Variants in ABCA4 observed in about 807,000 individuals in gnomAD.
The protein encoded by ABCA4 is ATP binding cassette subfamily A member 4.
ABCA4 carries 196 observed loss-of-function variants against 263.7 expected under a neutral mutation model. The observed-to-expected ratio is 0.74, with a 90% CI of 0.66 to 0.84. The LOEUF (loss-of-function observed/expected upper bound fraction) is 0.84, where lower values mean the gene tolerates loss of function less well. Among genes scored for constraint, ABCA4 ranks in the 40% least tolerant of loss-of-function variants. The pLI is 0.00. For missense variants in ABCA4, 2,792 were observed against 2,855.1 expected (o/e 0.98, Z 0.50); for synonymous variants, 1,133 against 1,094.2 (o/e 1.04, Z -0.70).
chr1:94,113,356 C>T (rs1662664742), intron 1 of ABCA4, among the ~76,000 whole-genome samples: 1 of 152,244 alleles, frequency 6.6e-6, no homozygotes, highest in South Asian at 2.1e-4. Context: ...TCATCTGCTT[C>T]AGTGCATTTT....
chr1:94,105,420 G>A (rs970731653), intron 4 of ABCA4, among the ~76,000 whole-genome samples: 1 of 152,188 alleles, frequency 6.6e-6, no homozygotes, highest in African/African-American at 2.4e-5. Context: ...GTGGCTCTGG[G>A]GGGGAAGGGG....
At chr1:94,004,826 C>A (rs541824526) in intron 44 of ABCA4, among the ~76,000 whole-genome samples, 1 of 152,220 alleles carries the variant, frequency 6.6e-6, no homozygotes, top group East Asian at 1.9e-4. Flanking sequence ...TCTGGTTTAT[C>A]CTTTCTACGT....
chr1:94,047,010 G>A lies in ABCA4; in HGVS notation c.2827C>T (p.Arg943Trp), dbSNP rs61749446. 72 of 1,614,104 alleles carry A rather than the reference G, an allele frequency of 4.5e-5. No individual in the cohort carries two copies. The highest frequency in any genetic ancestry group is 3.3e-4 in the East Asian group (15 of 44,874). Residue 943 changes from arginine to tryptophan, a missense_variant, in exon 19 of 50, where the codon CGG becomes TGG. Transcript: ENST00000370225. ...ATGTTCAGACGGTCCACAGCTGGCC[G>A]GCCACAGGGCTCAAAAATCTTTACC... ...NLVKIFEPCG[R>W]PAVDRLNITF...
chr1:94,033,175 TTTGGGAGGCCAAGCCAGGAGGA>T (rs1171011677), intron 26 of ABCA4, among the ~76,000 whole-genome samples: 10 of 152,130 alleles, frequency 6.6e-5, no homozygotes, highest in Non-Finnish European at 1.2e-4. Context: ...ATCCCAGCAC[TTTGGGAGGCCAAGCCAGGAGGA>T]TTGATTGACC....
At chr1:94,106,347 C>T (rs781418903) in intron 4 of ABCA4, among the ~76,000 whole-genome samples, 1 of 152,176 alleles carries the variant, frequency 6.6e-6, no homozygotes, top group Non-Finnish European at 1.5e-5. Context: ...ACTTCCTTCA[C>T]ACTTCCTCCC....
chr1:94,078,807 A>G, intron 9 of ABCA4, 101 bp from the exon 10 acceptor site: 1 of 861,084 alleles, frequency 1.2e-6, no homozygotes, highest in Non-Finnish European at 2.0e-6. Flanking sequence ...AGTGTTAGGG[A>G]AAGGCTTTTC....
chr1:94,023,435 A>AATAAT lies in ABCA4; in HGVS notation c.4635-22_4635-18dup, dbSNP rs781546018. On this transcript the variant is annotated splice_polypyrimidine_tract_variant and intron_variant, in intron 31 of 49. Coordinates refer to ENST00000370225, the MANE Select transcript of ABCA4 (RefSeq NM_000350.3). ...CTCTTTAAGCTGAAAGCCAAAATAAAATAATGCAATGAATACCACAAGTAC... is the reference window on the plus strand; with the variant it reads ...CTCTTTAAGCTGAAAGCCAAAATAAAATAATATAATGCAATGAATACCACAAGTAC... 1.3e-6 allele frequency: 2 copies of AATAAT among 1,598,704 alleles called. No individual in the cohort carries two copies. Among genetic ancestry groups the AATAAT allele is most frequent in the Non-Finnish European group, 1.7e-6 (2 of 1,166,488 alleles).
At position 94,008,247 on chromosome 1, in the gene ABCA4, A is replaced by G. The variant is rs62642568; in HGVS notation, c.5886T>C (p.Val1962=). ...SPAVDRLCVG[V]RPGECFGLLG... is the part of the protein sequence containing the mutation. ...GCAGAGTACCCACCTCTCCAGGGCG[A>G]ACTCCGACACACAGCCTGTCCACTG... The change falls in exon 42 of 50, where the codon GTT becomes GTC. Residue 1962 remains valine (V), a synonymous_variant. Coordinates refer to ENST00000370225, the MANE Select transcript of ABCA4 (RefSeq NM_000350.3). The G allele has an allele frequency of 6.2e-7, 1 of 1,614,166 alleles. No homozygotes were observed. The highest frequency in any genetic ancestry group is 1.1e-5 in the South Asian group (1 of 91,080).
intron 48 of ABCA4, among the ~76,000 whole-genome samples, chr1:93,996,597 A>T (rs1171054603): frequency 2.0e-5 from 3 of 152,180 alleles, no homozygotes; most frequent in Non-Finnish European, 4.4e-5. Flanking sequence ...TGCTGATGAG[A>T]AGGTGCAGGT....
In ABCA4 at chr1:94,077,890, T is replaced by C; in HGVS notation, c.1357-3A>G. 3.1e-6 allele frequency: 5 copies of C among 1,613,092 alleles called. No individual in the cohort carries two copies. Among genetic ancestry groups the C allele is most frequent in the Non-Finnish European group, 2.5e-6 (3 of 1,179,062 alleles). ...ACTGTTGGGTTCCCCAGGGTATCCT[T>C]GGGAAGAAGAAATACAGTCACTGCT... On this transcript the variant is annotated splice_polypyrimidine_tract_variant and splice_region_variant and intron_variant, in intron 10 of 49. Transcript: ENST00000370225.
chr1:93,996,130 A>G lies in ABCA4; in HGVS notation c.6795T>C (p.Ala2265=), dbSNP rs1337025555. The G allele has an allele frequency of 1.4e-5, 22 of 1,613,928 alleles. No individual in the cohort carries two copies. In the Admixed American group the frequency reaches 2.3e-4, roughly 17 times the overall value. Residue 2265 remains alanine, a synonymous_variant, in exon 49 of 50, where the codon GCT becomes GCC. Transcript: ENST00000370225. ...GTACCTGGGCTTGTCGACTGGCTCC[A>G]GCAGCTCGAGGGTGCAGAGGGAGGT... ...SHDLPLHPRA[A]GASRQAQD is the part of the protein sequence containing the mutation.
rs1411625098 is a variant in ABCA4 at position 94,120,717 on chromosome 1, A to G, written c.66+263T>C. Among the ~76,000 whole-genome samples the G allele has an allele frequency of 4.6e-5, 7 of 151,968 alleles. No homozygotes were observed. The South Asian group carries it at 1.2e-3, about 27-fold the overall frequency. On this transcript the variant is annotated intron_variant, in intron 1 of 49. Coordinates refer to ENST00000370225, the MANE Select transcript of ABCA4 (RefSeq NM_000350.3). ...GGGGTGGGGGAGGGGCGGGCAGGCA[A>G]TGGATTGACAGGCACGGTAGGCAAA...
intron 17 of ABCA4, among the ~76,000 whole-genome samples, chr1:94,050,079 C>T (rs1660793727): frequency 6.6e-6 from 1 of 152,192 alleles, no homozygotes; most frequent in Non-Finnish European, 1.5e-5. Context: ...CCCCCACCCT[C>T]TGAAAATGTG....
intron 1 of ABCA4, among the ~76,000 whole-genome samples, chr1:94,117,996 T>C (rs1447506698): frequency 1.3e-5 from 2 of 152,230 alleles, no homozygotes; most frequent in Admixed American, 6.5e-5. Context: ...CCACTCTATC[T>C]TAGTGATATC....
intron 19 of ABCA4, chr1:94,045,594 C>T (rs941801620): frequency 2.1e-5 from 8 of 378,040 alleles, no homozygotes; most frequent in African/African-American, 1.5e-4. Flanking sequence ...GGAGAGAAAG[C>T]AGATGGATGC....
At chr1:94,025,487 C>A (rs536517498) in intron 30 of ABCA4, 37 of 273,950 alleles carry the variant, frequency 1.4e-4, no homozygotes, top group Non-Finnish European at 2.3e-4. Flanking sequence ...CTCCAATAAA[C>A]CCTGGGATCA....
At chr1:94,060,207 G>A (rs1016014554) in intron 14 of ABCA4, among the ~76,000 whole-genome samples, 7 of 152,216 alleles carry the variant, frequency 4.6e-5, no homozygotes, top group Non-Finnish European at 7.3e-5. Flanking sequence ...TGTTTGGAAA[G>A]AGAAGACCAC....
At chr1:94,086,787 C>G (rs911911198) in intron 6 of ABCA4, among the ~76,000 whole-genome samples, 26 of 152,168 alleles carry the variant, frequency 1.7e-4, no homozygotes, top group African/African-American at 6.3e-4. Flanking sequence ...GCATATGTGG[C>G]AGCACTTGGA....
chr1:94,010,648 T>C (rs4147900), intron 40 of ABCA4, 152 bp downstream of exon 40: 1 of 659,804 alleles, frequency 1.5e-6, no homozygotes, highest in Non-Finnish European at 2.4e-6. Context: ...CCCGATCCTC[T>C]ACTTGTATTA....
Sources: gnomAD v4.1 joint callset for allele counts (sites outside exome capture counted in the v4.1 genomes callset) on GRCh38, gnomAD v4.1.1 for gene constraint, MANE v1.5 for transcripts, NCBI Gene and HGNC (gene_info 2026-07-23, HGNC 2026-07-21) for gene names.